The following WDR41 variants were observed in gnomAD, a reference collection of about 807,000 sequenced individuals.
WDR41 encodes WD repeat-containing protein 41.
A neutral mutation model predicts 69.3 loss-of-function variants in WDR41; 63 were observed. That is an observed-to-expected ratio of 0.91 (90% CI 0.74 to 1.12). WDR41 has a LOEUF of 1.12. Ranked by LOEUF, WDR41 falls within the 50% of genes most tolerant of loss-of-function variation. WDR41 has a pLI of 0.00. For synonymous variants in WDR41, 185 were observed against 192.1 expected, an observed-to-expected ratio of 0.96 and a Z score of 0.31; for missense variants, 543 against 534.5, an observed-to-expected ratio of 1.02 and a Z score of -0.16.
At chr5:77,525,582 T>C (rs1802433971) in intron 1 of WDR41, among the ~76,000 whole-genome samples, 1 of 152,128 alleles carries the variant, frequency 6.6e-6, no homozygotes, top group Non-Finnish European at 1.5e-5. Context: ...GTTATTAAAT[T>C]GGGGTTTAGG....
intron 1 of WDR41, chr5:77,499,273 A>T (rs11955805): frequency 6.6e-6 from 1 of 152,202 alleles, no homozygotes; most frequent in Non-Finnish European, 1.5e-5. Flanking sequence ...CCTGAATCCA[A>T]TGCAACCTCA....
chr5:77,613,455 C>T lies in WDR41; in HGVS notation c.42+7024G>A, dbSNP rs774441321. On this transcript the variant is annotated intron_variant, in intron 1 of 5. Coordinates refer to the WDR41 transcript ENST00000509971. ...CTGGTACCAAAACAGAGATATAGAT[C>T]AATGGAACAGAACAGAGCCCTCAGA... 2.9e-3 allele frequency among the ~76,000 whole-genome samples: 442 copies of T among 151,998 alleles called. 1 individual carries two copies. The highest frequency in any genetic ancestry group is 4.5e-3 in the Non-Finnish European group (309 of 67,930).
At chr5:77,574,664 G>A (rs1258249438) in intron 1 of WDR41, among the ~76,000 whole-genome samples, 1 of 152,170 alleles carries the variant, frequency 6.6e-6, no homozygotes, top group East Asian at 1.9e-4. Flanking sequence ...ACTTGAGAGA[G>A]CCTAATGAAC....
intron 1 of WDR41, among the ~76,000 whole-genome samples, chr5:77,570,087 C>T (rs1028933450): frequency 2.6e-5 from 4 of 152,052 alleles, no homozygotes; most frequent in Non-Finnish European, 4.4e-5. Context: ...GTCCCAATAC[C>T]TTCCTAGATA....
chr5:77,489,414 C>T, intron 2 of WDR41, 43 bp downstream of exon 2: 4 of 1,268,934 alleles, frequency 3.2e-6, no homozygotes, highest in Non-Finnish European at 4.3e-6. Context: ...TCCCTAAAAC[C>T]TCTTCCCAAA....
intron 12 of WDR41, among the ~76,000 whole-genome samples, chr5:77,434,045 CAG>C (rs1189985100): frequency 6.6e-6 from 1 of 152,102 alleles, no homozygotes; most frequent in Admixed American, 6.5e-5. Flanking sequence ...AAAAGAGAAA[CAG>C]GGCCGGGCGT....
intron 1 of WDR41, among the ~76,000 whole-genome samples, chr5:77,592,216 T>C (rs1744148345): frequency 6.6e-6 from 1 of 152,170 alleles, no homozygotes; most frequent in Admixed American, 6.6e-5. Flanking sequence ...GTCTTTCATG[T>C]CCCTGTACTT....
chr5:77,533,934 A>G (rs1373238603), intron 1 of WDR41, among the ~76,000 whole-genome samples: 1 of 152,146 alleles, frequency 6.6e-6, no homozygotes, highest in Non-Finnish European at 1.5e-5. Flanking sequence ...CTACAGAATT[A>G]TTTTGTGGAG....
intron 1 of WDR41, among the ~76,000 whole-genome samples, chr5:77,578,471 C>A (rs960584773): frequency 9.2e-5 from 14 of 152,030 alleles, no homozygotes; most frequent in African/African-American, 3.4e-4. Context: ...GAAAATATGG[C>A]CCATACATCT....
intron 1 of WDR41, among the ~76,000 whole-genome samples, chr5:77,572,890 C>T (rs1368628167): frequency 3.3e-5 from 5 of 152,184 alleles, no homozygotes; most frequent in Non-Finnish European, 4.4e-5. Context: ...TTAGATCAAA[C>T]CCAACGGTGA....
chr5:77,612,900 G>T (rs1192978061), intron 1 of WDR41, among the ~76,000 whole-genome samples: 1 of 143,254 alleles, frequency 7.0e-6, no homozygotes, highest in East Asian at 2.0e-4. Context: ...AAACCCCATC[G>T]TCTCAGCCCA....
chr5:77,465,133 T>G (rs1408081583), intron 2 of WDR41, among the ~76,000 whole-genome samples: 1 of 152,158 alleles, frequency 6.6e-6, no homozygotes, highest in Non-Finnish European at 1.5e-5. Flanking sequence ...AGCTGACAAG[T>G]GCCTTCAGTG....
chr5:77,439,395 G>A (rs1301628070), intron 9 of WDR41, among the ~76,000 whole-genome samples: 1 of 152,174 alleles, frequency 6.6e-6, no homozygotes, highest in Non-Finnish European at 1.5e-5. Flanking sequence ...TTGACTCTCA[G>A]GATTAGTACT....
chr5:77,470,202 A>G (rs964367608), intron 2 of WDR41, among the ~76,000 whole-genome samples: 6 of 152,000 alleles, frequency 3.9e-5, no homozygotes, highest in African/African-American at 1.2e-4. Context: ...AAGGAGAAAT[A>G]AAATACTTTA....
rs956610901 is a variant in WDR41 at position 77,497,946 on chromosome 5, A to G, written c.43-8374T>C. On this transcript the variant is annotated intron_variant, in intron 1 of 5. Coordinates refer to the WDR41 transcript ENST00000509971. Reference sequence around the variant, plus strand: ...TTAATTTTTAAATATATTCTACAACATAGATGGGCCTTGAAAACATATGTT... The same window carrying G: ...TTAATTTTTAAATATATTCTACAACGTAGATGGGCCTTGAAAACATATGTT... 6.6e-5 allele frequency among the ~76,000 whole-genome samples: 10 copies of G among 152,244 alleles called. No homozygotes were observed. The South Asian group carries it at 8.3e-4, about 13-fold the overall frequency.
intron 1 of WDR41, among the ~76,000 whole-genome samples, chr5:77,522,382 C>G (rs1802384454): frequency 1.3e-5 from 2 of 152,230 alleles, no homozygotes; most frequent in African/African-American, 4.8e-5. Context: ...TGGCTTATAC[C>G]TGTAATCCCA....
intron 4 of WDR41, among the ~76,000 whole-genome samples, chr5:77,460,953 A>G (rs1232281328): frequency 1.3e-5 from 2 of 152,164 alleles, no homozygotes; most frequent in African/African-American, 4.8e-5. Flanking sequence ...AGACTGCCAA[A>G]TAAGCGGCCT....
At chr5:77,600,192 C>T (rs4374746) in intron 1 of WDR41, among the ~76,000 whole-genome samples, 1 of 151,930 alleles carries the variant, frequency 6.6e-6, no homozygotes, top group African/African-American at 2.4e-5. Context: ...CAAGTCTTAC[C>T]AATATAATCA....
upstream of WDR41, chr5:77,492,321 C>A (rs1343743615): frequency 6.1e-6 from 9 of 1,480,830 alleles, no homozygotes; most frequent in Non-Finnish European, 8.3e-6. Flanking sequence ...GCAACTGAGA[C>A]GCTAATACTT....
Sources: gnomAD v4.1 joint callset for allele counts (sites outside exome capture counted in the v4.1 genomes callset) on GRCh38, gnomAD v4.1.1 for gene constraint, MANE v1.5 for transcripts, NCBI Gene and HGNC (gene_info 2026-07-23, HGNC 2026-07-21) for gene names.